The following SOX6 variants were observed in gnomAD, a reference collection of about 807,000 sequenced individuals.
SOX6 encodes transcription factor SOX-6.
SOX6 carries 11 observed loss-of-function variants against 97.8 expected under a neutral mutation model. That is an observed-to-expected ratio of 0.11 (90% CI 0.07 to 0.19). The LOEUF (loss-of-function observed/expected upper bound fraction) is 0.19, where lower values mean the gene tolerates loss of function less well. SOX6 is among the 10% of genes least tolerant of loss of function. The probability of loss-of-function intolerance (pLI) is 1.00; values close to 1 mark genes in which losing one functional copy is unlikely to be tolerated. For missense variants in SOX6, 810 were observed against 1,039.5 expected, an observed-to-expected ratio of 0.78 and a Z score of 3.04; for synonymous variants, 360 against 371.4, an observed-to-expected ratio of 0.97 and a Z score of 0.35.
chr11:16,658,324 G>A (rs866463079), intron 3 of SOX6, among the ~76,000 whole-genome samples: 10 of 152,112 alleles, frequency 6.6e-5, no homozygotes, highest in Non-Finnish European at 1.0e-4. Context: ...TATCTTTTGC[G>A]TATTTTTCAA....
chr11:16,601,542 A>C (rs1039540075), intron 4 of SOX6, among the ~76,000 whole-genome samples: 1 of 152,334 alleles, frequency 6.6e-6, no homozygotes, highest in Non-Finnish European at 1.5e-5. Flanking sequence ...TTCTCTCACT[A>C]ACAAGAGAAT....
At chr11:16,699,289 C>T (rs1848075766) in intron 3 of SOX6, among the ~76,000 whole-genome samples, 1 of 152,100 alleles carries the variant, frequency 6.6e-6, no homozygotes, top group Admixed American at 6.5e-5. Context: ...TCACCCAGAG[C>T]TTTAAATAAT....
intron 4 of SOX6, among the ~76,000 whole-genome samples, chr11:16,208,792 C>A (rs1160787822): frequency 6.6e-6 from 1 of 152,060 alleles, no homozygotes; most frequent in Admixed American, 6.5e-5. Context: ...ATGACCAATA[C>A]AAAATCTTAC....
chr11:16,428,347 A>T (rs1314848511), intron 1 of SOX6, among the ~76,000 whole-genome samples: 1 of 151,986 alleles, frequency 6.6e-6, no homozygotes, highest in Non-Finnish European at 1.5e-5. Context: ...CCCATTTGTC[A>T]ATTTTGGCTT....
At chr11:16,352,054 A>G (rs1348421299) in intron 1 of SOX6, among the ~76,000 whole-genome samples, 2 of 152,062 alleles carry the variant, frequency 1.3e-5, no homozygotes, top group Non-Finnish European at 1.5e-5. Context: ...AACCAGAAAA[A>G]AGTAGCCATG....
At chr11:16,551,917 T>C (rs1847691908) in intron 4 of SOX6, among the ~76,000 whole-genome samples, 1 of 152,128 alleles carries the variant, frequency 6.6e-6, no homozygotes, top group Non-Finnish European at 1.5e-5. Flanking sequence ...AAAAATTTAT[T>C]CAAAAACAAA....
At chr11:16,647,149 TATA>T (rs1849027342) in intron 3 of SOX6, among the ~76,000 whole-genome samples, 1 of 152,188 alleles carries the variant, frequency 6.6e-6, no homozygotes. Context: ...TTGTCAGATG[TATA>T]GATTGTGAGG....
intron 7 of SOX6, among the ~76,000 whole-genome samples, chr11:16,105,223 G>T (rs1047459770): frequency 3.3e-5 from 5 of 151,900 alleles, no homozygotes. Flanking sequence ...TCCCAAGAAT[G>T]CAAGGGATCA....
chr11:16,539,663 C>G (rs1022040673), intron 4 of SOX6, among the ~76,000 whole-genome samples: 4 of 152,122 alleles, frequency 2.6e-5, no homozygotes, highest in Admixed American at 6.5e-5. Context: ...CACAGAAATA[C>G]AAACTACCAT....
At chr11:16,733,236 C>G (rs1479610571) in intron 2 of SOX6, among the ~76,000 whole-genome samples, 1 of 152,126 alleles carries the variant, frequency 6.6e-6, no homozygotes, top group African/African-American at 2.4e-5. Context: ...GGTATACACC[C>G]AAAGGATTAT....
At chr11:16,070,656 C>A (rs1419099699) in intron 9 of SOX6, among the ~76,000 whole-genome samples, 1 of 152,004 alleles carries the variant, frequency 6.6e-6, no homozygotes, top group Non-Finnish European at 1.5e-5. Flanking sequence ...ACGTCAGTAT[C>A]CATTAAGGCA....
intron 6 of SOX6, among the ~76,000 whole-genome samples, chr11:16,137,257 C>G (rs1441110510): frequency 6.6e-6 from 1 of 151,894 alleles, no homozygotes; most frequent in Non-Finnish European, 1.5e-5. Context: ...GCAACATGGT[C>G]TCTACTAAAA....
chr11:16,437,784 C>T (rs1333315970), intron 1 of SOX6, among the ~76,000 whole-genome samples: 1 of 152,132 alleles, frequency 6.6e-6, no homozygotes, highest in Admixed American at 6.5e-5. Context: ...TGCTGAGTTT[C>T]CTCATGTATA....
chr11:16,697,084 G>C (rs1848059481), intron 3 of SOX6, among the ~76,000 whole-genome samples: 1 of 152,122 alleles, frequency 6.6e-6, no homozygotes. Flanking sequence ...TTCCTCACTG[G>C]TTCAAGTTGT....
intron 6 of SOX6, among the ~76,000 whole-genome samples, chr11:16,144,807 T>C (rs184806639): frequency 1.3e-5 from 2 of 152,144 alleles, no homozygotes; most frequent in South Asian, 2.1e-4. Context: ...CCAGAAGAAG[T>C]TGAATCCCTG....
upstream of SOX6, among the ~76,000 whole-genome samples, chr11:16,480,205 A>G (rs144941851): frequency 2.0e-3 from 309 of 152,274 alleles, no homozygotes; most frequent in African/African-American, 7.0e-3. Context: ...GCAGGGTGCC[A>G]TAGGTTCTTT....
At chr11:16,102,176 G>A (rs1214524438) in intron 7 of SOX6, among the ~76,000 whole-genome samples, 1 of 151,870 alleles carries the variant, frequency 6.6e-6, no homozygotes. Flanking sequence ...AATGAATTCA[G>A]CAAAGTTTCA....
chr11:16,171,742 GATTC>G (rs1268317922), intron 6 of SOX6, among the ~76,000 whole-genome samples: 18 of 151,682 alleles, frequency 1.2e-4, no homozygotes, highest in Non-Finnish European at 1.0e-4. Context: ...TTCTGTTTTG[GATTC>G]ATCCCTAAAG....
intron 9 of SOX6, among the ~76,000 whole-genome samples, chr11:16,088,462 C>T (rs1848620162): frequency 6.6e-6 from 1 of 152,094 alleles, no homozygotes. Context: ...CCTTTTCACC[C>T]CTCTCCTCAT....
Sources: gnomAD v4.1 joint callset for allele counts (sites outside exome capture counted in the v4.1 genomes callset) on GRCh38, gnomAD v4.1.1 for gene constraint, MANE v1.5 for transcripts, NCBI Gene and HGNC (gene_info 2026-07-23, HGNC 2026-07-21) for gene names.